UTS2B: variants seen among roughly 807,000 people sequenced by gnomAD.
UTS2B encodes the protein urotensin-2B.
Under a neutral mutation model 19.2 loss-of-function variants are expected in UTS2B, and 21 were observed. The observed-to-expected ratio is 1.09, with a 90% CI of 0.78 to 1.58. The LOEUF (loss-of-function observed/expected upper bound fraction) is 1.58. Among genes scored for constraint, UTS2B ranks in the 40% most tolerant of loss-of-function variants. UTS2B has a pLI of 0.00. For synonymous variants in UTS2B, 57 were observed against 50.2 expected (o/e 1.14, Z -0.58); for missense variants, 138 against 130.3 (o/e 1.06, Z -0.29).
intron 2 of UTS2B, among the ~76,000 whole-genome samples, chr3:191,324,625 T>C (rs1346861939): frequency 1.3e-5 from 2 of 152,246 alleles, no homozygotes; most frequent in Non-Finnish European, 2.9e-5. Context: ...CCTTCTGCCA[T>C]GATTGTGAGG....
chr3:191,282,949 A>G (rs897562271), intron 4 of UTS2B, among the ~76,000 whole-genome samples: 5 of 152,148 alleles, frequency 3.3e-5, no homozygotes, highest in African/African-American at 1.2e-4. Context: ...TTTCTTTTTA[A>G]GTCAAAGTCT....
intron 4 of UTS2B, among the ~76,000 whole-genome samples, chr3:191,298,666 T>G (rs745478754): frequency 7.9e-5 from 12 of 151,910 alleles, no homozygotes; most frequent in Non-Finnish European, 1.6e-4. Flanking sequence ...TACCAAGGAG[T>G]GGAGCACTGT....
chr3:191,339,054 C>A, the UTS2B span, among the ~76,000 whole-genome samples: 1 of 152,048 alleles, frequency 6.6e-6, no homozygotes, highest in Non-Finnish European at 1.5e-5. Context: ...TTAAACAAGT[C>A]AAACATAGCA....
chr3:191,325,062 T>A (rs4686575), intron 2 of UTS2B, among the ~76,000 whole-genome samples: 4 of 75,486 alleles, frequency 5.3e-5, no homozygotes, highest in Non-Finnish European at 1.3e-4. Context: ...GAAAAAAAAA[T>A]AATATTAATA....
chr3:191,301,797 G>C (rs1003833507), intron 4 of UTS2B, among the ~76,000 whole-genome samples: 2 of 152,074 alleles, frequency 1.3e-5, no homozygotes, highest in Admixed American at 6.5e-5. Context: ...CCAATTTTTG[G>C]TAATATTAAT....
intron 2 of UTS2B, among the ~76,000 whole-genome samples, chr3:191,317,787 C>G (rs1387045392): frequency 6.6e-6 from 1 of 152,158 alleles, no homozygotes; most frequent in African/African-American, 2.4e-5. Context: ...AGCATGTTGG[C>G]CAGACTGGTC....
upstream of UTS2B, among the ~76,000 whole-genome samples, chr3:191,334,526 A>C (rs1718082004): frequency 6.6e-6 from 1 of 152,164 alleles, no homozygotes; most frequent in Non-Finnish European, 1.5e-5. Flanking sequence ...TTCCAGATGA[A>C]AATCCCAGGG....
At chr3:191,337,521 T>A in the UTS2B span, among the ~76,000 whole-genome samples, 12 of 152,210 alleles carry the variant, frequency 7.9e-5, no homozygotes, top group African/African-American at 2.9e-4. Flanking sequence ...ATTTTTGTAT[T>A]TTTAGTAGAG....
chr3:191,319,992 C>T lies in UTS2B; in HGVS notation c.-585-3553G>A, dbSNP rs539459133. 1.1e-4 allele frequency among the ~76,000 whole-genome samples: 17 copies of T among 151,682 alleles called. No individual in the cohort carries two copies. In the South Asian group the frequency reaches 3.3e-3, roughly 30 times the overall value. On this transcript the variant is annotated intron_variant, in intron 2 of 8. Coordinates refer to ENST00000340524, the MANE Select transcript of UTS2B (RefSeq NM_198152.5). ...ATCAAATGCTTTATCCAGCAATTTA[C>T]TCAATACATATTTCATGAGCAGCAA...
chr3:191,303,723 T>C (rs1340044278), intron 4 of UTS2B, among the ~76,000 whole-genome samples: 1 of 152,232 alleles, frequency 6.6e-6, no homozygotes, highest in Non-Finnish European at 1.5e-5. Context: ...TTGGATGAGT[T>C]CTGATGTTTT....
chr3:191,278,852 A>C lies in UTS2B; in HGVS notation c.104-682T>G, dbSNP rs372206916. On this transcript the variant is annotated intron_variant, in intron 5 of 8. Transcript: ENST00000340524. Reference sequence around the variant, plus strand: ...TTCAAAAAAAATCCATTGACAATTCAATTGAAATAATAATTAGTATATTAC... The same window carrying C: ...TTCAAAAAAAATCCATTGACAATTCCATTGAAATAATAATTAGTATATTAC... Among the ~76,000 whole-genome samples, 7 of 152,190 alleles carry C rather than the reference A, an allele frequency of 4.6e-5. No individual in the cohort carries two copies. The South Asian group carries it at 1.4e-3, about 31-fold the overall frequency.
intron 4 of UTS2B, among the ~76,000 whole-genome samples, chr3:191,290,372 A>T (rs1351685252): frequency 1.3e-5 from 2 of 152,214 alleles, no homozygotes; most frequent in African/African-American, 2.4e-5. Context: ...TTATTGAGCA[A>T]TCATCACATG....
chr3:191,330,006 C>T (rs1483967034), intron 1 of UTS2B, among the ~76,000 whole-genome samples: 1 of 151,192 alleles, frequency 6.6e-6, no homozygotes. Flanking sequence ...TCTCGTGCAT[C>T]GCAAAGCCTC....
chr3:191,281,094 G>A (rs1207082193), intron 5 of UTS2B, among the ~76,000 whole-genome samples: 1 of 152,126 alleles, frequency 6.6e-6, no homozygotes, highest in African/African-American at 2.4e-5. Context: ...ACAAGGTCTG[G>A]TAAAATGGAA....
chr3:191,294,114 A>G (rs1716795057), intron 4 of UTS2B, among the ~76,000 whole-genome samples: 2 of 135,190 alleles, frequency 1.5e-5, no homozygotes, highest in Non-Finnish European at 3.3e-5. Flanking sequence ...ATCTCAAAAA[A>G]ACAAAAACAA....
intron 2 of UTS2B, among the ~76,000 whole-genome samples, chr3:191,321,598 A>G (rs1366715596): frequency 2.0e-5 from 3 of 152,244 alleles, no homozygotes; most frequent in Non-Finnish European, 4.4e-5. Context: ...TAGACTGTGT[A>G]GTCAGAACCC....
At chr3:191,301,653 AT>A (rs1218863472) in intron 4 of UTS2B, among the ~76,000 whole-genome samples, 1 of 150,180 alleles carries the variant, frequency 6.7e-6, no homozygotes. Flanking sequence ...TGCCCGGCTA[AT>A]TTTTTTTTGT....
chr3:191,342,910 A>C, the UTS2B span, among the ~76,000 whole-genome samples: 1,136 of 152,326 alleles, frequency 7.5e-3, 10 homozygotes, highest in African/African-American at 0.025. Context: ...TTTTCGTAGA[A>C]TGTCTGACTA....
At chr3:191,271,359 G>A (rs917513617) in intron 8 of UTS2B, among the ~76,000 whole-genome samples, 3 of 151,982 alleles carry the variant, frequency 2.0e-5, no homozygotes, top group African/African-American at 7.3e-5. Flanking sequence ...ATTAACCCTA[G>A]TTTTAGTGAG....
Sources: allele counts gnomAD v4.1 joint callset (sites outside exome capture counted in the v4.1 genomes callset), GRCh38; gene constraint gnomAD v4.1.1; transcripts MANE v1.5; gene names NCBI Gene and HGNC (gene_info 2026-07-23, HGNC 2026-07-21).